Variants in LOX observed in about 807,000 individuals in gnomAD.
The protein encoded by LOX is protein-lysine 6-oxidase.
In LOX, 12 loss-of-function variants were observed where a neutral mutation model predicts 50.5. The observed-to-expected ratio is 0.24, with a 90% CI of 0.15 to 0.38. LOX has a LOEUF of 0.38. Ranked by LOEUF, LOX falls within the 10% of genes least tolerant of loss-of-function variation. The probability of loss-of-function intolerance (pLI) is 1.00; values close to 1 mark genes in which losing one functional copy is unlikely to be tolerated. For synonymous variants in LOX, 254 were observed against 230.6 expected (o/e 1.10, Z -0.92); for missense variants, 504 against 563.8 (o/e 0.89, Z 1.07).
chr5:122,077,299 C>G lies in LOX; in HGVS notation c.631+56G>C, dbSNP rs1419285086. 1.2e-6 allele frequency: 2 copies of G among 1,607,924 alleles called. No individual in the cohort carries two copies. Among genetic ancestry groups the G allele is most frequent in the Non-Finnish European group, 1.7e-6 (2 of 1,177,472 alleles). ...GCGCCCAGGCAGCCACGTCGAGAAG[C>G]CACATAGCTGGGGACCAGGTGCACG... is the stretch of plus-strand genomic sequence containing the variant. On this transcript the variant is annotated intron_variant, in intron 1 of 6. Transcript: ENST00000231004. This position sits in a 1 kb window ranked among gnomAD's most constrained non-coding sequence, Gnocchi z 4.9.
chr5:122,067,710 A>G (rs1245459354), intron 6 of LOX, among the ~76,000 whole-genome samples: 2 of 152,092 alleles, frequency 1.3e-5, no homozygotes, highest in African/African-American at 4.8e-5. Flanking sequence ...TAACTCCACA[A>G]AATTCATGCT....
rs1225214749 is a variant in LOX, at chr5:122,077,089, C to T, written c.632-88G>A. The T allele has an allele frequency of 3.9e-6, 6 of 1,545,268 alleles. No individual in the cohort carries two copies. The East Asian group carries it at 1.4e-4, about 35-fold the overall frequency. The stretch of plus-strand genomic sequence containing the variant: ...CTACCCCTCTAGGTCCCTTACTCCT[C>T]ACCCTTCGCCCACCGGGACTGCAGA... On this transcript the variant is annotated intron_variant, in intron 1 of 6. Coordinates refer to ENST00000231004, the MANE Select transcript of LOX (RefSeq NM_002317.7). The surrounding 1 kb of genome is among the most constrained non-coding windows in gnomAD (Gnocchi z 4.9).
At position 122,064,244 on chromosome 5, in the gene LOX, A is replaced by G. The variant is rs780647927; in HGVS notation, c.*2499T>C. The stretch of plus-strand genomic sequence containing the variant: ...CTGGTCTGTGTTATTTTATTAATTG[A>G]TAACCTTCATCAACTAATTATTATC... On this transcript the variant is annotated 3_prime_UTR_variant, in exon 7 of 7. Transcript: ENST00000231004. The G allele has an allele frequency of 4.6e-5, 7 of 151,942 alleles. No individual in the cohort carries two copies. Among genetic ancestry groups the G allele is most frequent in the Non-Finnish European group, 1.0e-4 (7 of 67,908 alleles). The allele number at this position is 151,942 out of a possible 1,614,324, so 9.4% of individuals were successfully genotyped here.
intron 6 of LOX, among the ~76,000 whole-genome samples, chr5:122,069,456 T>C (rs1754390828): frequency 6.6e-6 from 1 of 152,154 alleles, no homozygotes; most frequent in Admixed American, 6.6e-5. Context: ...AGCACCTCCC[T>C]GTGAATAGAT....
chr5:122,063,730 T>C lies in LOX; in HGVS notation c.*3013A>G, dbSNP rs1016796976. On this transcript the variant is annotated 3_prime_UTR_variant, in exon 7 of 7. Coordinates refer to ENST00000231004, the MANE Select transcript of LOX (RefSeq NM_002317.7). ...ATTATTTTTAAAACAAAATATCTCC[T>C]TACCAGGAATTCAGTATTTTCATGC... 1 of 151,956 alleles carries C rather than the reference T, an allele frequency of 6.6e-6. No individual in the cohort carries two copies. The highest frequency in any genetic ancestry group is 1.5e-5 in the Non-Finnish European group (1 of 67,874). The allele number at this position is 151,956 out of a possible 1,614,324, so 9.4% of individuals were successfully genotyped here. A position where few individuals can be genotyped will look rare whatever the true frequency, so the allele number is the denominator to read the frequency against.
chr5:122,073,565 C>T (rs1181716800), intron 4 of LOX, among the ~76,000 whole-genome samples: 1 of 152,088 alleles, frequency 6.6e-6, no homozygotes, highest in East Asian at 1.9e-4. Flanking sequence ...TCTTTTTTTA[C>T]AGTTATTTAC....
At position 122,077,513 on chromosome 5, in the gene LOX, C is replaced by A. The variant is rs1800449; in HGVS notation, c.473G>T (p.Arg158Leu). The A allele has an allele frequency of 6.2e-7, 1 of 1,613,698 alleles. No homozygotes were observed. The highest frequency in any genetic ancestry group is 8.5e-7 in the Non-Finnish European group (1 of 1,179,964). The change falls in exon 1 of 7, where the codon CGG becomes CTG. Residue 158 changes from arginine (R) to leucine (L), a missense_variant. Physicochemically the swap from Arg to Leu is moderately radical, Grantham distance 102 (BLOSUM62 -2). This residue lies in a region of LOX where 398 missense variants were observed against 365.8 expected (regional missense o/e 1.09). Transcript: ENST00000231004. This position sits in a 1 kb window ranked among gnomAD's most constrained non-coding sequence, Gnocchi z 4.9. ...PGEVPALSNL[R>L]PPSRVDGMVG... is the part of the protein sequence containing the mutation. ...CATGCCGTCCACGCGGCTGGGCGGC[C>A]GCAGGTTACTGAGCGCAGGAACTTC...
In LOX at chr5:122,075,429, A is replaced by C; in HGVS notation, c.853T>G (p.Ser285Ala). The C allele has an allele frequency of 6.2e-7, 1 of 1,613,546 alleles. No individual in the cohort carries two copies. The highest frequency in any genetic ancestry group is 1.1e-5 in the South Asian group (1 of 90,966). Residue 285 changes from serine to alanine, a missense_variant, in exon 3 of 7, where the codon TCC (serine) becomes GCC (alanine). Ser to Ala is a moderately conservative substitution (Grantham distance 99). This residue lies in a region of LOX where 106 missense variants were observed against 198.1 expected (regional missense o/e 0.54). Transcript: ENST00000231004. ...SDFLPSRPRY[S>A]WEWHSCHQHY... ...TGATGACAACTGTGCCATTCCCAGG[A>C]ATATCTTGGTCGGCTGGGTAAGAAA...
chr5:122,070,521 A>G lies in LOX; in HGVS notation c.1104T>C (p.Asp368=). Residue 368 remains aspartate, a synonymous_variant, in exon 5 of 7, where the codon GAT becomes GAC. Transcript: ENST00000231004. ...TTAGGATATAGTTTCCAGGTTTTACATCTGTAATATCAATCCACTGGCAGT... is the reference window on the plus strand; with the variant it reads ...TTAGGATATAGTTTCCAGGTTTTACGTCTGTAATATCAATCCACTGGCAGT... ...DIDCQWIDIT[D]VKPGNYILKV... 6.2e-7 allele frequency: 1 copy of G among 1,606,986 alleles called. No homozygotes were observed. The highest frequency in any genetic ancestry group is 8.5e-7 in the Non-Finnish European group (1 of 1,174,588).
chr5:122,071,189 TTA>T (rs1052933696), intron 4 of LOX, among the ~76,000 whole-genome samples: 5 of 123,934 alleles, frequency 4.0e-5, no homozygotes, highest in African/African-American at 7.2e-5. Flanking sequence ...TCGTAAACAT[TTA>T]TATGTGTGTG....
chr5:122,071,579 A>C (rs1754454749), intron 4 of LOX, among the ~76,000 whole-genome samples: 1 of 152,184 alleles, frequency 6.6e-6, no homozygotes, highest in Admixed American at 6.5e-5. Context: ...GCTTTTAAGA[A>C]TGTTATAGTC....
At position 122,063,875 on chromosome 5, in the gene LOX, A is replaced by G. The variant is rs1373834021; in HGVS notation, c.*2868T>C. 3 of 151,950 alleles carry G rather than the reference A, an allele frequency of 2.0e-5. No individual in the cohort carries two copies. The highest frequency in any genetic ancestry group is 2.9e-5 in the Non-Finnish European group (2 of 67,880). 9.4% of individuals were successfully genotyped at this position (151,950 alleles called of 1,614,324 possible). A position where few individuals can be genotyped will look rare whatever the true frequency, so the allele number is the denominator to read the frequency against. ...ATCCTATGAGATTTCAAAGAGAAAA[A>G]AAGTACTACAAATAATGCCTAGTGA... On this transcript the variant is annotated 3_prime_UTR_variant, in exon 7 of 7. Transcript: ENST00000231004.
intron 4 of LOX, among the ~76,000 whole-genome samples, chr5:122,073,333 T>G (rs1754508847): frequency 6.6e-6 from 1 of 152,188 alleles, no homozygotes; most frequent in Non-Finnish European, 1.5e-5. Flanking sequence ...AAAAAATCCA[T>G]CCAAACAACA....
chr5:122,070,318 A>C (rs576736693), intron 5 of LOX, 150 bp from the exon 6 acceptor site: 1 of 656,384 alleles, frequency 1.5e-6, no homozygotes, highest in Non-Finnish European at 2.7e-6. Context: ...AAGAGACTGC[A>C]TATTTTCCCC....
chr5:122,069,556 T>C (rs2979867), intron 6 of LOX, among the ~76,000 whole-genome samples: 1 of 152,160 alleles, frequency 6.6e-6, no homozygotes, highest in African/African-American at 2.4e-5. Context: ...CAGAGTATTT[T>C]CCTAGTATCA....
chr5:122,073,419 A>G (rs967283413), intron 4 of LOX, among the ~76,000 whole-genome samples: 1 of 152,188 alleles, frequency 6.6e-6, no homozygotes, highest in African/African-American at 2.4e-5. Context: ...TCTTATTTGC[A>G]TTATTAAAAG....
In LOX at chr5:122,070,035, T is replaced by G; in HGVS notation, c.1247+18A>C. ...TTATTTGTGACAACAATTACTTAGC[T>G]AAGCAAATAACACTTACGGTGAAAT... is the stretch of plus-strand genomic sequence containing the variant. On this transcript the variant is annotated intron_variant, in intron 6 of 6. Transcript: ENST00000231004. 1 of 1,545,388 alleles carries G rather than the reference T, an allele frequency of 6.5e-7. No individual in the cohort carries two copies. The highest frequency in any genetic ancestry group is 1.1e-5 in the South Asian group (1 of 89,736).
intron 6 of LOX, among the ~76,000 whole-genome samples, chr5:122,068,254 G>T (rs147814120): frequency 1.2e-3 from 180 of 150,730 alleles, no homozygotes; most frequent in African/African-American, 4.2e-3. Flanking sequence ...CATATTGCTG[G>T]AGCAATACAA....
At position 122,070,067 on chromosome 5, in the gene LOX, G is replaced by A. The variant is rs1392933477; in HGVS notation, c.1233C>T (p.Gly411=). The A allele has an allele frequency of 1.2e-6, 2 of 1,610,460 alleles. No individual in the cohort carries two copies. Among genetic ancestry groups the A allele is most frequent in the African/African-American group, 2.7e-5 (2 of 74,770 alleles). ...ATAACACTTACGGTGAAATTGTGCA[G>A]CCTGAGGCATACGCATGATGTCCTG... ...RYTGHHAYAS[G]CTISPY is the part of the protein sequence containing the mutation. The change falls in exon 6 of 7, where the codon GGC becomes GGT. Residue 411 remains glycine, a synonymous_variant. Transcript: ENST00000231004.
Sources: allele counts gnomAD v4.1 joint callset (sites outside exome capture counted in the v4.1 genomes callset), GRCh38; gene constraint gnomAD v4.1.1; regional missense constraint gnomAD v4.1.1; non-coding constraint Gnocchi (gnomAD v3.1); transcripts MANE v1.5; gene names NCBI Gene and HGNC (gene_info 2026-07-23, HGNC 2026-07-21).